SCARA3: variants seen among roughly 807,000 people sequenced by gnomAD.
The protein encoded by SCARA3 is scavenger receptor class A member 3.
Under a neutral mutation model 47.0 loss-of-function variants are expected in SCARA3, and 39 were observed. That is an observed-to-expected ratio of 0.83 (90% CI 0.64 to 1.08). The LOEUF is 1.08. Ranked by LOEUF, SCARA3 falls within the 50% of genes least tolerant of loss-of-function variation. The pLI, the probability that SCARA3 is intolerant of heterozygous loss-of-function variation, is 0.00. For missense variants in SCARA3, 724 were observed against 792.3 expected, an observed-to-expected ratio of 0.91 and a Z score of 1.04; for synonymous variants, 356 against 334.1, an observed-to-expected ratio of 1.07 and a Z score of -0.71.
intron 4 of SCARA3, among the ~76,000 whole-genome samples, chr8:27,657,606 T>G (rs974116815): frequency 3.5e-5 from 5 of 142,804 alleles, no homozygotes; most frequent in African/African-American, 1.3e-4. Context: ...AGTGGTGTGA[T>G]CTCGGCTCAC....
intron 5 of SCARA3, among the ~76,000 whole-genome samples, chr8:27,666,769 A>G (rs964636510): frequency 1.3e-5 from 2 of 151,992 alleles, no homozygotes; most frequent in East Asian, 2.0e-4. Flanking sequence ...TGCCCCTCCC[A>G]TGGGTGGGCA....
chr8:27,641,306 A>C (rs1408079264), intron 1 of SCARA3, among the ~76,000 whole-genome samples: 1 of 152,194 alleles, frequency 6.6e-6, no homozygotes, highest in African/African-American at 2.4e-5. Flanking sequence ...ACTGGGTTTG[A>C]AGTGTAGGCA....
chr8:27,733,517 A>G, the SCARA3 span: 1 of 152,212 alleles, frequency 6.6e-6, no homozygotes, highest in Non-Finnish European at 1.5e-5. Flanking sequence ...TGGCAGCAGC[A>G]GTGCTGTCCT....
chr8:27,708,717 G>C, the SCARA3 span, among the ~76,000 whole-genome samples: 2 of 152,116 alleles, frequency 1.3e-5, no homozygotes, highest in East Asian at 3.9e-4. Context: ...TTACATTCAG[G>C]GGGTACATGT....
At chr8:27,650,905 A>G (rs1453263279) in intron 2 of SCARA3, among the ~76,000 whole-genome samples, 2 of 151,986 alleles carry the variant, frequency 1.3e-5, no homozygotes, top group African/African-American at 4.8e-5. Flanking sequence ...TCTTTTTTAA[A>G]ATAGAGATGG....
intron 3 of SCARA3, 80 bp from the exon 4 acceptor site, chr8:27,656,702 T>C: frequency 2.3e-6 from 2 of 882,314 alleles, no homozygotes; most frequent in Non-Finnish European, 3.9e-6. Context: ...GAGGAGCTGA[T>C]AAAGATGCCT....
At chr8:27,682,981 T>C in the SCARA3 span, among the ~76,000 whole-genome samples, 11,289 of 151,940 alleles carry the variant, frequency 0.074, 564 homozygotes, top group Non-Finnish European at 0.11. Flanking sequence ...TACAAGAATA[T>C]TCATAGATTT....
intron 5 of SCARA3, among the ~76,000 whole-genome samples, chr8:27,666,875 C>T (rs934829937): frequency 9.2e-5 from 14 of 152,002 alleles, no homozygotes; most frequent in Admixed American, 2.6e-4. Context: ...TGGTCCCAGA[C>T]GTGAGGTCAG....
rs140958701 is a variant in SCARA3, at chr8:27,670,988, C to T, written c.1458C>T (p.Pro486=). 5.7e-5 allele frequency: 91 copies of T among 1,608,220 alleles called. No individual in the cohort carries two copies. The highest frequency in any genetic ancestry group is 8.6e-5 in the Admixed American group (5 of 58,344). Residue 486 remains proline, a synonymous_variant, in exon 6 of 6, where the codon CCC becomes CCT. Transcript: ENST00000301904. ...GCGGCAGAGGCCCGAAAGGAGACCC[C>T]GGCAGCTTGGGCCCCCTGGGACCCC... The part of the protein sequence containing the change: ...PVGGRGPKGD[P]GSLGPLGPQG...
chr8:27,675,737 C>T (rs1304619061), downstream of SCARA3, among the ~76,000 whole-genome samples: 2 of 152,178 alleles, frequency 1.3e-5, no homozygotes, highest in Admixed American at 6.5e-5. Flanking sequence ...TTGCAGTGAG[C>T]TGAGATTGTA....
intron 3 of SCARA3, among the ~76,000 whole-genome samples, chr8:27,655,269 A>G (rs12677898): frequency 0.053 from 8,081 of 152,132 alleles, 561 homozygotes; most frequent in East Asian, 0.34. Context: ...AACAAATGTG[A>G]TGTAAACTAG....
the SCARA3 span, among the ~76,000 whole-genome samples, chr8:27,716,331 A>T: frequency 2.6e-5 from 4 of 151,612 alleles, no homozygotes; most frequent in African/African-American, 9.7e-5. Flanking sequence ...CTTTATATAT[A>T]TATATATAAA....
At chr8:27,689,356 G>A in the SCARA3 span, among the ~76,000 whole-genome samples, 1 of 152,174 alleles carries the variant, frequency 6.6e-6, no homozygotes, top group East Asian at 1.9e-4. Context: ...CAGGCTGGGG[G>A]TGGAAGTTCA....
the SCARA3 span, among the ~76,000 whole-genome samples, chr8:27,725,742 G>C: frequency 3.9e-3 from 596 of 152,218 alleles, 4 homozygotes; most frequent in African/African-American, 0.014. Flanking sequence ...TCCTTCCCTG[G>C]GAGTAAGCCA....
chr8:27,660,306 G>T (rs1327531360), intron 5 of SCARA3, among the ~76,000 whole-genome samples: 2 of 152,004 alleles, frequency 1.3e-5, no homozygotes, highest in African/African-American at 2.4e-5. Flanking sequence ...TATATATATA[G>T]AGAGATAGAC....
At chr8:27,705,078 T>C in the SCARA3 span, among the ~76,000 whole-genome samples, 11 of 152,210 alleles carry the variant, frequency 7.2e-5, no homozygotes, top group African/African-American at 2.4e-4. Flanking sequence ...TCAGCGAGGG[T>C]ACCAAAATGC....
chr8:27,654,806 A>G lies in SCARA3; in HGVS notation c.227-1976A>G, dbSNP rs1339920304. Among the ~76,000 whole-genome samples the G allele has an allele frequency of 1.3e-4, 17 of 127,126 alleles. No homozygotes were observed. In the East Asian group the frequency reaches 3.5e-3, roughly 26 times the overall value. The allele number at this position is 127,126 out of a possible 152,430, so 83.4% of individuals were successfully genotyped here. A position where few individuals can be genotyped will look rare whatever the true frequency, so the allele number is the denominator to read the frequency against. ...CTGTCTCACAAAAAAAAAAAAAGAAAAAGAAAAAAAGAAAAAAGAAATGAA... is the reference window on the plus strand; with the variant it reads ...CTGTCTCACAAAAAAAAAAAAAGAAGAAGAAAAAAAGAAAAAAGAAATGAA... On this transcript the variant is annotated intron_variant, in intron 3 of 5. Transcript: ENST00000301904.
chr8:27,651,468 C>T (rs769757561), intron 2 of SCARA3, 40 bp from the exon 3 acceptor site: 2 of 1,601,416 alleles, frequency 1.2e-6, no homozygotes, highest in Non-Finnish European at 1.7e-6. Context: ...CCAACCTGGG[C>T]CCCTGGCCTA....
the SCARA3 span, among the ~76,000 whole-genome samples, chr8:27,719,063 G>A: frequency 6.6e-6 from 1 of 152,212 alleles, no homozygotes; most frequent in African/African-American, 2.4e-5. Flanking sequence ...TATTTTGGGA[G>A]ACTTTAAGAA....
Sources: allele counts gnomAD v4.1 joint callset (sites outside exome capture counted in the v4.1 genomes callset), GRCh38; gene constraint gnomAD v4.1.1; transcripts MANE v1.5; gene names NCBI Gene and HGNC (gene_info 2026-07-23, HGNC 2026-07-21).